PHF12: variants seen among roughly 807,000 people sequenced by gnomAD.
The protein encoded by PHF12 is PHD finger protein 12.
PHF12 carries 6 observed loss-of-function variants against 99.8 expected under a neutral mutation model. The observed-to-expected ratio is 0.06, with a 90% CI of 0.03 to 0.12. PHF12 has a LOEUF of 0.12. Ranked by LOEUF, PHF12 falls within the 10% of genes least tolerant of loss-of-function variation. PHF12 has a pLI of 1.00. For synonymous variants in PHF12, 480 were observed against 514.9 expected (o/e 0.93, Z 0.92); for missense variants, 954 against 1,300.1 (o/e 0.73, Z 4.09).
intron 2 of PHF12, chr17:28,945,202 G>A (rs954308573): frequency 6.6e-6 from 1 of 152,178 alleles, no homozygotes; most frequent in Non-Finnish European, 1.5e-5. Context: ...GAGGCTGCAG[G>A]GAGCTAGGAT....
rs2039857108 is a variant in PHF12, at chr17:28,905,485, A to G, written c.*698T>C. 6.6e-6 allele frequency: 1 copy of G among 152,546 alleles called. No individual in the cohort carries two copies. The highest frequency in any genetic ancestry group is 6.5e-5 in the Admixed American group (1 of 15,284). 9.4% of individuals were successfully genotyped at this position (152,546 alleles called of 1,614,324 possible). On this transcript the variant is annotated 3_prime_UTR_variant, in exon 15 of 15. Coordinates refer to ENST00000332830, the MANE Select transcript of PHF12 (RefSeq NM_001033561.2). The stretch of plus-strand genomic sequence containing the variant: ...TTTGAGAAAACGCTCTACCACATGT[A>G]GTACTGTACACGGTTTTTAAAAACA...
intron 13 of PHF12, 58 bp from the exon 14 acceptor site, chr17:28,907,052 G>C (rs1016911626): frequency 2.6e-6 from 4 of 1,534,470 alleles, no homozygotes; most frequent in Middle Eastern, 1.8e-4. Context: ...CTGGGGCTAA[G>C]GGGAGAGAGG....
intron 2 of PHF12, among the ~76,000 whole-genome samples, chr17:28,943,963 C>T (rs920219175): frequency 6.6e-6 from 1 of 152,122 alleles, no homozygotes; most frequent in African/African-American, 2.4e-5. Flanking sequence ...TAGTTGAATT[C>T]CATTTAAATT....
chr17:28,908,696 C>T (rs2039910726), intron 12 of PHF12, 87 bp downstream of exon 12: 2 of 1,320,390 alleles, frequency 1.5e-6, no homozygotes, highest in Non-Finnish European at 1.1e-6. Context: ...GGGCTTCCCT[C>T]ACCCCTTTCT....
chr17:28,921,212 T>G (rs990003066), intron 5 of PHF12, among the ~76,000 whole-genome samples: 1 of 151,894 alleles, frequency 6.6e-6, no homozygotes, highest in Non-Finnish European at 1.5e-5. Flanking sequence ...ATACAGGGTC[T>G]CGCTCTGTTG....
At position 28,905,560 on chromosome 17, in the gene PHF12, T is replaced by C. The variant is rs1308460525; in HGVS notation, c.*623A>G. On this transcript the variant is annotated 3_prime_UTR_variant, in exon 15 of 15. Coordinates refer to ENST00000332830, the MANE Select transcript of PHF12 (RefSeq NM_001033561.2). ...TATTTACACAAAATCCAAATACACT[T>C]TTCCTTATTTGAAATAAAATAGATG... 1 of 152,610 alleles carries C rather than the reference T, an allele frequency of 6.6e-6. No individual in the cohort carries two copies. The highest frequency in any genetic ancestry group is 1.5e-5 in the Non-Finnish European group (1 of 68,058). The allele number at this position is 152,610 out of a possible 1,614,324, so 9.5% of individuals were successfully genotyped here. A position where few individuals can be genotyped will look rare whatever the true frequency, so the allele number is the denominator to read the frequency against.
intron 7 of PHF12, among the ~76,000 whole-genome samples, chr17:28,915,223 A>C (rs2040041247): frequency 6.6e-6 from 1 of 152,184 alleles, no homozygotes; most frequent in African/African-American, 2.4e-5. Flanking sequence ...AGGCATAGAG[A>C]TGTGATAGCA....
chr17:28,919,601 G>A (rs1229449185), intron 5 of PHF12, among the ~76,000 whole-genome samples: 3 of 152,260 alleles, frequency 2.0e-5, no homozygotes, highest in African/African-American at 7.2e-5. Flanking sequence ...TTAGCTGGGC[G>A]TGGTGGTGGG....
At chr17:28,922,620 A>G (rs894276952) in intron 4 of PHF12, among the ~76,000 whole-genome samples, 11 of 152,172 alleles carry the variant, frequency 7.2e-5, no homozygotes, top group South Asian at 2.1e-4. Flanking sequence ...ACATCTATAC[A>G]TGTATATAAT....
intron 2 of PHF12, among the ~76,000 whole-genome samples, chr17:28,940,606 C>A (rs1271029187): frequency 6.6e-6 from 1 of 152,182 alleles, no homozygotes; most frequent in Non-Finnish European, 1.5e-5. Flanking sequence ...TGTGCTAAAA[C>A]CTCATCTTTG....
At chr17:28,934,610 ATTT>A (rs561144385) in intron 2 of PHF12, among the ~76,000 whole-genome samples, 80 of 126,492 alleles carry the variant, frequency 6.3e-4, no homozygotes, top group Non-Finnish European at 1.0e-3. Flanking sequence ...TTTCTTTTCT[ATTT>A]TTTTTTTTTT....
intron 2 of PHF12, chr17:28,930,003 C>G (rs2040366427): frequency 6.6e-6 from 1 of 152,196 alleles, no homozygotes; most frequent in Non-Finnish European, 1.5e-5. Flanking sequence ...GTTCATCTGC[C>G]CACTGGCTTT....
chr17:28,924,475 T>G, intron 3 of PHF12, 173 bp from the exon 4 acceptor site: 1 of 821,828 alleles, frequency 1.2e-6, no homozygotes, highest in Admixed American at 2.5e-5. Context: ...CAACTCTAAC[T>G]GAACTAAAGC....
chr17:28,931,192 A>G (rs2040395489), intron 2 of PHF12, among the ~76,000 whole-genome samples: 1 of 152,088 alleles, frequency 6.6e-6, no homozygotes, highest in African/African-American at 2.4e-5. Context: ...GGAGTAGTCC[A>G]GGGAAACCCA....
chr17:28,929,883 T>C (rs1480362292), intron 2 of PHF12: 1 of 152,194 alleles, frequency 6.6e-6, no homozygotes. Flanking sequence ...ACTACTGAAA[T>C]GCATGCAAGT....
Position 28,950,840 on chromosome 17 carries a change from G to A in PHF12, c.66+55C>T, listed in dbSNP as rs2040797313. ...TTTAGGACTGGCTTTGTGGGGCGGA[G>A]GGCGGAGGTTCCCTCCCGGCGCTGG... On this transcript the variant is annotated intron_variant, in intron 1 of 14. Coordinates refer to ENST00000332830, the MANE Select transcript of PHF12 (RefSeq NM_001033561.2). The surrounding 1 kb of genome is among the most constrained non-coding windows in gnomAD (Gnocchi z 5.7). 3 of 1,604,872 alleles carry A rather than the reference G, an allele frequency of 1.9e-6. No individual in the cohort carries two copies. Among genetic ancestry groups the A allele is most frequent in the Non-Finnish European group, 2.6e-6 (3 of 1,174,506 alleles).
intron 4 of PHF12, among the ~76,000 whole-genome samples, chr17:28,923,659 A>C (rs1479509317): frequency 1.5e-5 from 2 of 131,502 alleles, no homozygotes; most frequent in African/African-American, 6.2e-5. Flanking sequence ...CTCACAAAAA[A>C]AAAAAAAAAA....
Position 28,949,860 on chromosome 17 carries a change from G to A in PHF12, c.248+205C>T. 1 of 586,780 alleles carries A rather than the reference G, an allele frequency of 1.7e-6. No homozygotes were observed. Among genetic ancestry groups the A allele is most frequent in the Non-Finnish European group, 3.0e-6 (1 of 337,286 alleles). The allele number at this position is 586,780 out of a possible 1,614,324, so 36.3% of individuals were successfully genotyped here. A position where few individuals can be genotyped will look rare whatever the true frequency, so the allele number is the denominator to read the frequency against. On this transcript the variant is annotated intron_variant, in intron 2 of 14. Transcript: ENST00000332830. This position sits in a 1 kb window ranked among gnomAD's most constrained non-coding sequence, Gnocchi z 4.6. ...TCACTCGTCCCAACCCCCACCTCGG[G>A]GTCCGGACCCACCGCTGCTCCTCCC...
Position 28,921,714 on chromosome 17 carries a change from G to A in PHF12, c.810C>T (p.Pro270=), listed in dbSNP as rs777671763. The A allele has an allele frequency of 1.2e-5, 19 of 1,613,914 alleles. No homozygotes were observed. In the South Asian group the frequency reaches 1.2e-4, roughly 10 times the overall value. The change falls in exon 5 of 15, where the codon CCC becomes CCT. Residue 270 remains proline, a synonymous_variant. Coordinates refer to ENST00000332830, the MANE Select transcript of PHF12 (RefSeq NM_001033561.2). ...ELDHNGLVPL[P]VKVCFTCNRS... The stretch of plus-strand genomic sequence containing the variant: ...TGTTACACGTGAAGCAGACTTTGAC[G>A]GGTAAGGGAACGAGACCATTGTGAT...
Sources: allele counts gnomAD v4.1 joint callset (sites outside exome capture counted in the v4.1 genomes callset), GRCh38; gene constraint gnomAD v4.1.1; non-coding constraint Gnocchi (gnomAD v3.1); transcripts MANE v1.5; gene names NCBI Gene and HGNC (gene_info 2026-07-23, HGNC 2026-07-21).